Variants in TTN observed in about 807,000 individuals in gnomAD.
TTN encodes titin, also known as connectin.
A neutral mutation model predicts 3,223.0 loss-of-function variants in TTN; 1,525 were observed. The observed-to-expected ratio is 0.47, with a 90% confidence interval of 0.45 to 0.49. The LOEUF is 0.49. TTN is among the 20% of genes least tolerant of loss of function. The probability of loss-of-function intolerance (pLI) is 0.00; values close to 1 mark genes in which losing one functional copy is unlikely to be tolerated. For missense variants in TTN, 40,786 were observed against 43,424.0 expected (o/e 0.94, Z 5.40); for synonymous variants, 14,094 against 15,161.0 (o/e 0.93, Z 5.17).
rs1287181968 is a variant in TTN, at chr2:178,590,431, A to C, written c.61294T>G (p.Phe20432Val). ...CCTTCAATTAGTCCAGGTACCCTAA[A>C]GGCACATTGCCTAATGAGTTCATCT... ...NKDELIRQCA[F>V]RVPGLIEGNE... The change falls in exon 304 of 363, where the codon TTT becomes GTT. Residue 20432 changes from phenylalanine (F) to valine (V), a missense_variant. Coordinates refer to ENST00000589042, the MANE Select transcript of TTN (RefSeq NM_001267550.2). 1 of 1,612,298 alleles carries C rather than the reference A, an allele frequency of 6.2e-7. No individual in the cohort carries two copies. Among genetic ancestry groups the C allele is most frequent in the Non-Finnish European group, 8.5e-7 (1 of 1,179,154 alleles).
chr2:178,537,729 C>G lies in TTN; in HGVS notation c.99478G>C (p.Val33160Leu). 2.5e-6 allele frequency: 4 copies of G among 1,613,756 alleles called. No homozygotes were observed. Among genetic ancestry groups the G allele is most frequent in the Non-Finnish European group, 3.4e-6 (4 of 1,179,778 alleles). ...SSDGRTHTLT[V>L]MTEEQEDEGV... The stretch of plus-strand genomic sequence containing the variant: ...TCATCTTCCTGTTCCTCTGTCATTA[C>G]TGTAAGAGTGTGTGTGCGTCCATCT... The change falls in exon 355 of 363, where the codon GTA becomes CTA. Residue 33160 changes from valine to leucine, a missense_variant. Val to Leu is a conservative substitution (Grantham distance 32). Transcript: ENST00000589042.
At chr2:178,773,422 A>G (rs1369774322) in intron 32 of TTN, 40 bp downstream of exon 32, 76 of 1,613,870 alleles carry the variant, frequency 4.7e-5, no homozygotes, top group Non-Finnish European at 6.3e-5. Flanking sequence ...GGAAAGTAGA[A>G]TGCTTAAAGT....
At position 178,568,367 on chromosome 2, in the gene TTN, T is replaced by C; in HGVS notation, c.77765A>G (p.Gln25922Arg). The part of the protein sequence containing the change: ...WNPPLYTGGC[Q>R]ITNYIVQKRD... ...TTTCTGAACAATGTAGTTGGTGATTTGGCAGCCCCCTGTATATAATGGAGG... is the reference window on the plus strand; with the variant it reads ...TTTCTGAACAATGTAGTTGGTGATTCGGCAGCCCCCTGTATATAATGGAGG... Residue 25922 changes from glutamine to arginine, a missense_variant, in exon 326 of 363, where the codon CAA becomes CGA. Physicochemically the swap from Gln to Arg is conservative, Grantham distance 43. Coordinates refer to ENST00000589042, the MANE Select transcript of TTN (RefSeq NM_001267550.2). 1 of 1,613,340 alleles carries C rather than the reference T, an allele frequency of 6.2e-7. No homozygotes were observed. The highest frequency in any genetic ancestry group is 2.2e-5 in the East Asian group (1 of 44,724).
At position 178,611,951 on chromosome 2, in the gene TTN, A is replaced by G. The variant is rs72677249; in HGVS notation, c.50358T>C (p.Tyr16786=). ...KNDGGRPIQR[Y]VIEKKERLGT... ...CTAACCTTTCTTTCTTCTCAATGAC[A>G]TATCTATTGAAACAACAAAGCATTT... Residue 16786 remains tyrosine, a synonymous_variant, in exon 268 of 363, where the codon TAT becomes TAC. Coordinates refer to ENST00000589042, the MANE Select transcript of TTN (RefSeq NM_001267550.2). The G allele has an allele frequency of 6.2e-7, 1 of 1,610,566 alleles. No individual in the cohort carries two copies. The highest frequency in any genetic ancestry group is 8.5e-7 in the Non-Finnish European group (1 of 1,178,782).
Position 178,729,067 on chromosome 2 carries a change from G to C in TTN, c.18971C>G (p.Thr6324Ser), listed in dbSNP as rs2079898671. Residue 6324 changes from threonine (T) to serine (S), a missense_variant, in exon 65 of 363, where the codon ACC (threonine) becomes AGC (serine). Physicochemically the swap from Thr to Ser is moderately conservative, Grantham distance 58 (BLOSUM62 1). Coordinates refer to ENST00000589042, the MANE Select transcript of TTN (RefSeq NM_001267550.2). Reference protein sequence around the residue: ...TVAGSPPISITWLKDDQILDE... With the variant: ...TVAGSPPISISWLKDDQILDE... ...AAGAATCTGATCATCCTTTAGCCAG[G>C]TTATAGAAATAGGAGGAGAACCTGC... is the stretch of plus-strand genomic sequence containing the variant. 1.2e-6 allele frequency: 2 copies of C among 1,612,682 alleles called. No individual in the cohort carries two copies. Among genetic ancestry groups the C allele is most frequent in the Non-Finnish European group, 1.7e-6 (2 of 1,179,330 alleles).
Position 178,775,664 on chromosome 2 carries a change from T to A in TTN, c.6200A>T (p.Asp2067Val). ...GKITIPTFKP[D>V]KIELSPSMEA... The stretch of plus-strand genomic sequence containing the variant: ...CATACTAGGACTTAGTTCAATCTTG[T>A]CAGGTTTAAAAGTTGGAATCGTGAT... Residue 2067 changes from aspartate to valine, a missense_variant, in exon 28 of 363, where the codon GAC becomes GTC. By Grantham distance (152) the Asp-to-Val change is radical. Transcript: ENST00000589042. 1 of 1,614,130 alleles carries A rather than the reference T, an allele frequency of 6.2e-7. No homozygotes were observed. The highest frequency in any genetic ancestry group is 8.5e-7 in the Non-Finnish European group (1 of 1,180,004).
chr2:178,567,291 C>T lies in TTN; in HGVS notation c.78841G>A (p.Val26281Ile), dbSNP rs747681662. 6 of 1,606,804 alleles carry T rather than the reference C, an allele frequency of 3.7e-6. No homozygotes were observed. Residue 26281 changes from valine (V) to isoleucine (I), a missense_variant, in exon 326 of 363, where the codon GTA (valine) becomes ATA (isoleucine). Transcript: ENST00000589042. ...GGTCCTGGTCTATCTAATACTTTTA[C>T]ATTTACTGGGAATGACTTAGAACCT... The part of the protein sequence containing the change: ...VAGSKSFPVN[V>I]KVLDRPGPPE...
Position 178,535,419 on chromosome 2 carries a change from A to G in TTN, c.101196T>C (p.Thr33732=), listed in dbSNP as rs774702733. The G allele has an allele frequency of 1.9e-6, 3 of 1,613,922 alleles. No homozygotes were observed. Among genetic ancestry groups the G allele is most frequent in the Non-Finnish European group, 8.5e-7 (1 of 1,179,828 alleles). Residue 33732 remains threonine, a synonymous_variant, in exon 358 of 363, where the codon ACT becomes ACC. Transcript: ENST00000589042. ...GTCCTACACGGAGCCATCTTTCTGC[A>G]GTAGTTGCACATTTTTCAACAATGT... ...TNYIVEKCAT[T]AERWLRVGQA...
rs749882267 is a variant in TTN at position 178,698,930 on chromosome 2, AAGAAAAAAAAAG to A, written c.30683-28_30683-17del. 46 of 1,483,534 alleles carry A rather than the reference AAGAAAAAAAAAG, an allele frequency of 3.1e-5. No homozygotes were observed. In the South Asian group the frequency reaches 4.9e-4, roughly 16 times the overall value. 91.9% of individuals were successfully genotyped at this position (1,483,534 alleles called of 1,614,324 possible). A position where few individuals can be genotyped will look rare whatever the true frequency, so the allele number is the denominator to read the frequency against. Reference sequence around the variant, plus strand: ...TTTTTGGTAACTAAAAAAAAAAAAAAAGAAAAAAAAAGAAAAAATATTTCTGGTGTAAGTAAC... The same window carrying A: ...TTTTTGGTAACTAAAAAAAAAAAAAAAAAAAATATTTCTGGTGTAAGTAAC... On this transcript the variant is annotated splice_polypyrimidine_tract_variant and intron_variant, in intron 111 of 362. Coordinates refer to ENST00000589042, the MANE Select transcript of TTN (RefSeq NM_001267550.2).
rs1302451459 is a variant in TTN, at chr2:178,571,300, A to G, written c.74832T>C (p.His24944=). The G allele has an allele frequency of 9.9e-6, 16 of 1,613,310 alleles. No individual in the cohort carries two copies. The highest frequency in any genetic ancestry group is 1.3e-5 in the Non-Finnish European group (15 of 1,179,606). The change falls in exon 326 of 363, where the codon CAT becomes CAC. Residue 24944 remains histidine, a synonymous_variant. Transcript: ENST00000589042. ...SDGGSRVIGY[H]LERKERNSIL... ...TGCTATTTCTTTCCTTGCGTTCTAG[A>G]TGATAGCCAATGACTCTACTTCCTC...
At chr2:178,646,774 G>A (rs1425300811) in intron 215 of TTN, among the ~76,000 whole-genome samples, 2 of 151,958 alleles carry the variant, frequency 1.3e-5, no homozygotes, top group Non-Finnish European at 2.9e-5. Flanking sequence ...TGGCAAATGA[G>A]ATGACTTTTA....
chr2:178,729,185 A>C lies in TTN; in HGVS notation c.18869-16T>G. 1 of 1,556,774 alleles carries C rather than the reference A, an allele frequency of 6.4e-7. No homozygotes were observed. Among genetic ancestry groups the C allele is most frequent in the Non-Finnish European group, 8.7e-7 (1 of 1,153,552 alleles). On this transcript the variant is annotated splice_polypyrimidine_tract_variant and intron_variant, in intron 64 of 362. Coordinates refer to ENST00000589042, the MANE Select transcript of TTN (RefSeq NM_001267550.2). ...GATGGTGGTTCTGTGATTAAATAAG[A>C]GAGTGTGAAAAGAAGAAACATATTG...
At chr2:178,775,233 G>T in intron 28 of TTN, 31 bp from the exon 29 acceptor site, 1 of 1,613,256 alleles carries the variant, frequency 6.2e-7, no homozygotes, top group Non-Finnish European at 8.5e-7. Context: ...AAAAAGGGGA[G>T]AGCACATTAT....
In TTN at chr2:178,721,834, C is replaced by A; in HGVS notation, c.22816+13G>T. On this transcript the variant is annotated intron_variant, in intron 78 of 362. Transcript: ENST00000589042. ...GTAAGGAACAAATATTGTCAAAAGT[C>A]ATGGAATGATACCTTTTACACTGAG... 6.6e-7 allele frequency: 1 copy of A among 1,515,632 alleles called. No homozygotes were observed. The highest frequency in any genetic ancestry group is 1.4e-5 in the South Asian group (1 of 70,424). 93.9% of individuals were successfully genotyped at this position (1,515,632 alleles called of 1,614,324 possible).
At position 178,604,155 on chromosome 2, in the gene TTN, G is replaced by A. The variant is rs554701601; in HGVS notation, c.54532C>T (p.Arg18178Cys). 40 of 1,612,134 alleles carry A rather than the reference G, an allele frequency of 2.5e-5. No individual in the cohort carries two copies. The highest frequency in any genetic ancestry group is 5.5e-5 in the South Asian group (5 of 90,904). ...CTCACTAGCATTGATCCTTTGGTGC[G>A]TGCCAAAACTTTTGGTTTTCCTGGA... ...GPPGKPKVLA[R>C]TKGSMLVSWT... Residue 18178 changes from arginine (R) to cysteine (C), a missense_variant, in exon 282 of 363, where the codon CGC becomes TGC. Transcript: ENST00000589042.
rs185902763 is a variant in TTN, at chr2:178,802,612, T to C, written c.92-271A>G. Among the ~76,000 whole-genome samples, 312 of 152,328 alleles carry C rather than the reference T, an allele frequency of 2.0e-3. 7 individuals are homozygous for C. In the South Asian group the frequency reaches 0.025, roughly 12 times the overall value. On this transcript the variant is annotated intron_variant, in intron 2 of 362. Coordinates refer to ENST00000589042, the MANE Select transcript of TTN (RefSeq NM_001267550.2). ...GCAGTGACACAGAGGGGACTAGAAT[T>C]TCCATCTCCTGCCTGCCTGCCTAGG... is the stretch of plus-strand genomic sequence containing the variant.
intron 13 of TTN, among the ~76,000 whole-genome samples, chr2:178,787,180 T>C (rs998073930): frequency 1.3e-5 from 2 of 152,174 alleles, no homozygotes; most frequent in Admixed American, 6.5e-5. Flanking sequence ...TCAACTATGC[T>C]ACCTGCATAT....
rs1344016534 is a variant in TTN at position 178,620,559 on chromosome 2, A to G, written c.45962T>C (p.Phe15321Ser). 2 of 1,611,786 alleles carry G rather than the reference A, an allele frequency of 1.2e-6. No individual in the cohort carries two copies. The highest frequency in any genetic ancestry group is 2.2e-5 in the East Asian group (1 of 44,620). The change falls in exon 248 of 363, where the codon TTC becomes TCC. Residue 15321 changes from phenylalanine to serine, a missense_variant. Coordinates refer to ENST00000589042, the MANE Select transcript of TTN (RefSeq NM_001267550.2). ...ATTGAGACGATTCACCTTGCACCAG[A>G]ATGTGACAGATTTCTTCTCCATTGT... is the stretch of plus-strand genomic sequence containing the variant. ...IETMEKKSVT[F>S]WCKVNRLNVT...
chr2:178,653,385 A>T, intron 197 of TTN, 42 bp downstream of exon 197: 1 of 1,606,970 alleles, frequency 6.2e-7, no homozygotes, highest in Non-Finnish European at 8.5e-7. Flanking sequence ...TATACAGCAG[A>T]GGAATTGGAT....
Sources: gnomAD v4.1 joint callset for allele counts (sites outside exome capture counted in the v4.1 genomes callset) on GRCh38, gnomAD v4.1.1 for gene constraint, MANE v1.5 for transcripts, NCBI Gene and HGNC (gene_info 2026-07-23, HGNC 2026-07-21) for gene names.